The following TUB variants were observed in gnomAD, a reference collection of about 807,000 sequenced individuals.
TUB encodes the protein TUB bipartite transcription factor.
A neutral mutation model predicts 59.7 loss-of-function variants in TUB; 33 were observed. The observed-to-expected ratio is 0.55, with a 90% confidence interval of 0.42 to 0.74. The LOEUF is 0.74. Ranked by LOEUF, TUB falls within the 30% of genes least tolerant of loss-of-function variation. The pLI, the probability that TUB is intolerant of heterozygous loss-of-function variation, is 0.00. For synonymous variants in TUB, 293 were observed against 256.4 expected (o/e 1.14, Z -1.36); for missense variants, 659 against 672.0 (o/e 0.98, Z 0.21).
At position 8,094,089 on chromosome 11, in the gene TUB, G is replaced by A. The variant is rs376785618; in HGVS notation, c.297G>A (p.Thr99=). 208 of 1,614,062 alleles carry A rather than the reference G, an allele frequency of 1.3e-4. 1 individual carries two copies. Among genetic ancestry groups the A allele is most frequent in the South Asian group, 1.2e-4 (11 of 91,086 alleles). Residue 99 remains threonine (T), a synonymous_variant, in exon 4 of 12, where the codon ACG becomes ACA. Transcript: ENST00000299506. ...TCGCCAGTGTGCAGCTGGGAGCCAC[G>A]CGCCCAACAGCACCAGCTTCAGCCA... The part of the protein sequence containing the change: ...DSLASVQLGA[T]RPTAPASAKR...
Position 8,102,022 on chromosome 11 carries a change from G to T in TUB, c.*403G>T. 1 of 206,796 alleles carries T rather than the reference G, an allele frequency of 4.8e-6. No individual in the cohort carries two copies. The highest frequency in any genetic ancestry group is 1.2e-4 in the South Asian group (1 of 8,256). The allele number at this position is 206,796 out of a possible 1,614,324, so 12.8% of individuals were successfully genotyped here. On this transcript the variant is annotated 3_prime_UTR_variant, in exon 12 of 12. Coordinates refer to ENST00000299506, the MANE Select transcript of TUB (RefSeq NM_177972.3). The stretch of plus-strand genomic sequence containing the variant: ...AGTCGTCCGCTCAGCCAAGGAGTCA[G>T]ATGGCAATGGGTACTCCAGCAGGTA...
chr11:8,101,353 C>T, intron 11 of TUB, 133 bp from the exon 12 acceptor site: 1 of 1,234,080 alleles, frequency 8.1e-7, no homozygotes, highest in South Asian at 1.4e-5. Context: ...TTTTACTTCC[C>T]TTTGTGATTC....
intron 1 of TUB, among the ~76,000 whole-genome samples, chr11:8,021,139 C>T (rs1554919106): frequency 2.0e-5 from 3 of 152,218 alleles, no homozygotes; most frequent in Non-Finnish European, 1.5e-5. Flanking sequence ...CCCTGGGCCA[C>T]AGTTTCTTGG....
chr11:8,099,216 C>T (rs1349821810), intron 9 of TUB, among the ~76,000 whole-genome samples: 3 of 152,144 alleles, frequency 2.0e-5, no homozygotes, highest in Non-Finnish European at 2.9e-5. Context: ...CCAGGTTCTA[C>T]ATGGATTACA....
At position 8,095,585 on chromosome 11, in the gene TUB, C is replaced by T. The variant is rs1246320539; in HGVS notation, c.485C>T (p.Ala162Val). ...QILTVGQSDH[A>V]QDAGETAAGG... ...CTGACTGTGGGCCAGTCAGACCACG[C>T]CCAGGACGCAGGGGAGACGGCAGCT... The change falls in exon 5 of 12, where the codon GCC (alanine) becomes GTC (valine). Residue 162 changes from alanine to valine, a missense_variant. This residue lies in a region of TUB where 321 missense variants were observed against 304.3 expected (regional missense o/e 1.05). Coordinates refer to ENST00000299506, the MANE Select transcript of TUB (RefSeq NM_177972.3). 3 of 1,612,972 alleles carry T rather than the reference C, an allele frequency of 1.9e-6. No individual in the cohort carries two copies. In the African/African-American group the frequency reaches 4.0e-5, roughly 22 times the overall value.
At chr11:8,063,863 T>C (rs1404423651) in intron 2 of TUB, among the ~76,000 whole-genome samples, 3 of 152,230 alleles carry the variant, frequency 2.0e-5, no homozygotes, top group African/African-American at 7.2e-5. Flanking sequence ...TTCATCATTT[T>C]TATTTATTTA....
At chr11:8,066,372 C>T (rs1943242372) in intron 2 of TUB, among the ~76,000 whole-genome samples, 1 of 152,158 alleles carries the variant, frequency 6.6e-6, no homozygotes, top group Non-Finnish European at 1.5e-5. Flanking sequence ...AGGATGGGGG[C>T]GAAAGCAACT....
intron 2 of TUB, among the ~76,000 whole-genome samples, chr11:8,046,100 C>A (rs1307395421): frequency 1.3e-5 from 2 of 152,110 alleles, no homozygotes; most frequent in Non-Finnish European, 2.9e-5. Context: ...CTCCATCCCT[C>A]CTTCTCTTTC....
chr11:8,024,970 C>A (rs538659691), intron 1 of TUB, among the ~76,000 whole-genome samples: 1 of 152,330 alleles, frequency 6.6e-6, no homozygotes, highest in African/African-American at 2.4e-5. Flanking sequence ...AGTGACTTAA[C>A]CTCCATCAGC....
intron 2 of TUB, among the ~76,000 whole-genome samples, chr11:8,066,140 G>C (rs183454741): frequency 1.3e-5 from 2 of 152,140 alleles, no homozygotes; most frequent in Admixed American, 6.5e-5. Context: ...GGGGCTCCAA[G>C]GGTACTGCCA....
intron 2 of TUB, among the ~76,000 whole-genome samples, chr11:8,062,521 G>A (rs1477604628): frequency 5.1e-5 from 2 of 39,208 alleles, no homozygotes; most frequent in Non-Finnish European, 1.5e-4. Flanking sequence ...GTGTGCGTGT[G>A]TGTGTGTGTG....
chr11:8,038,780 T>G, exon 1 of TUB: 1 of 1,536,768 alleles, frequency 6.5e-7, no homozygotes, highest in Non-Finnish European at 8.7e-7. Flanking sequence ...GTTTCAGTAC[T>G]GAGGCGAATA....
chr11:8,100,852 G>C lies in TUB; in HGVS notation c.1242G>C (p.Trp414Cys), dbSNP rs776624388. The change falls in exon 11 of 12, where the codon TGG becomes TGC. Residue 414 changes from tryptophan (W) to cysteine (C), a missense_variant. Physicochemically the swap from Trp to Cys is radical, Grantham distance 215. Coordinates refer to ENST00000299506, the MANE Select transcript of TUB (RefSeq NM_177972.3). ...RNEHETLLARWQNKNTESIIE... is the reference protein window; with the variant it reads ...RNEHETLLARCQNKNTESIIE... Reference sequence around the variant, plus strand: ...AGCATGAGACACTGCTAGCACGCTGGCAGAATAAGAACACGGAGAGTATCA... The same window carrying C: ...AGCATGAGACACTGCTAGCACGCTGCCAGAATAAGAACACGGAGAGTATCA... 2 of 1,614,144 alleles carry C rather than the reference G, an allele frequency of 1.2e-6. No individual in the cohort carries two copies. The highest frequency in any genetic ancestry group is 1.1e-5 in the South Asian group (1 of 91,078).
rs1215892265 is a variant in TUB, at chr11:8,099,855, G to C, written c.1117-648G>C. 2.6e-5 allele frequency among the ~76,000 whole-genome samples: 4 copies of C among 152,192 alleles called. No individual in the cohort carries two copies. The South Asian group carries it at 8.3e-4, about 31-fold the overall frequency. On this transcript the variant is annotated intron_variant, in intron 9 of 11. Transcript: ENST00000299506. Reference sequence around the variant, plus strand: ...GGGACACAGTGAGGACAAAAGTCCTGAATGCCTGGCATGAAGAAGGAATGG... The same window carrying C: ...GGGACACAGTGAGGACAAAAGTCCTCAATGCCTGGCATGAAGAAGGAATGG...
intron 2 of TUB, among the ~76,000 whole-genome samples, chr11:8,042,309 C>T (rs1942764337): frequency 6.6e-6 from 1 of 152,184 alleles, no homozygotes; most frequent in Non-Finnish European, 1.5e-5. Flanking sequence ...ATCAATACTT[C>T]ATTTCTTTTT....
At position 8,089,599 on chromosome 11, in the gene TUB, T is replaced by A; in HGVS notation, c.39-11T>A. Reference sequence around the variant, plus strand: ...CGGGCAAGCCCTGAAAACCCCTCTTTCGCTCTGCAGTGTCTTAGATGATGA... The same window carrying A: ...CGGGCAAGCCCTGAAAACCCCTCTTACGCTCTGCAGTGTCTTAGATGATGA... On this transcript the variant is annotated splice_polypyrimidine_tract_variant and intron_variant, in intron 1 of 11. Coordinates refer to ENST00000299506, the MANE Select transcript of TUB (RefSeq NM_177972.3). The A allele has an allele frequency of 6.2e-7, 1 of 1,614,024 alleles. No individual in the cohort carries two copies. The highest frequency in any genetic ancestry group is 1.1e-5 in the South Asian group (1 of 91,074).
upstream of TUB, among the ~76,000 whole-genome samples, chr11:8,078,546 C>G (rs922842582): frequency 6.6e-6 from 1 of 152,008 alleles, no homozygotes; most frequent in African/African-American, 2.4e-5. Context: ...AAAATGTCAA[C>G]CACGGAAGTC....
intron 2 of TUB, among the ~76,000 whole-genome samples, chr11:8,065,891 A>G (rs1339398556): frequency 1.3e-5 from 2 of 152,224 alleles, no homozygotes; most frequent in African/African-American, 4.8e-5. Context: ...ACTCCTGCAC[A>G]TAGTAGGAGG....
intron 1 of TUB, among the ~76,000 whole-genome samples, chr11:8,031,772 C>G (rs926919989): frequency 3.3e-5 from 5 of 152,222 alleles, no homozygotes; most frequent in African/African-American, 1.2e-4. Context: ...GGGAGGCTGG[C>G]GCAGGCCCAC....
Sources: gnomAD v4.1 joint callset for allele counts (sites outside exome capture counted in the v4.1 genomes callset) on GRCh38, gnomAD v4.1.1 for gene constraint, gnomAD v4.1.1 regional missense constraint, MANE v1.5 for transcripts, NCBI Gene and HGNC (gene_info 2026-07-23, HGNC 2026-07-21) for gene names.